CIT: variants seen among roughly 807,000 people sequenced by gnomAD.
CIT encodes citron Rho-interacting kinase.
A neutral mutation model predicts 272.7 loss-of-function variants in CIT; 79 were observed. That is an observed-to-expected ratio of 0.29 (90% CI 0.24 to 0.35). The LOEUF (loss-of-function observed/expected upper bound fraction) is 0.35, where lower values mean the gene tolerates loss of function less well. Ranked by LOEUF, CIT falls within the 10% of genes least tolerant of loss-of-function variation. The probability of loss-of-function intolerance (pLI) is 1.00; values close to 1 mark genes in which losing one functional copy is unlikely to be tolerated. For missense variants in CIT, 1,909 were observed against 2,618.3 expected (o/e 0.73, Z 5.91); for synonymous variants, 948 against 995.6 (o/e 0.95, Z 0.90).
At chr12:119,862,824 A>G (rs1218566541) in intron 3 of CIT, among the ~76,000 whole-genome samples, 3 of 135,388 alleles carry the variant, frequency 2.2e-5, no homozygotes, top group Non-Finnish European at 3.1e-5. Context: ...AAAAAAAAAA[A>G]AAAAAAAAAA....
At chr12:119,720,405 C>T in intron 30 of CIT, 73 bp downstream of exon 30, 1 of 980,580 alleles carries the variant, frequency 1.0e-6, no homozygotes, top group Middle Eastern at 2.1e-4. Flanking sequence ...GATCATATAT[C>T]ACAGTGGTGT....
intron 10 of CIT, among the ~76,000 whole-genome samples, chr12:119,793,991 G>T (rs1156322859): frequency 1.3e-5 from 2 of 152,106 alleles, no homozygotes; most frequent in African/African-American, 4.8e-5. Context: ...GCTCAGTGTG[G>T]GCTTAAAAGC....
At chr12:119,756,523 C>T (rs771666632) in intron 22 of CIT, among the ~76,000 whole-genome samples, 4 of 152,174 alleles carry the variant, frequency 2.6e-5, no homozygotes, top group Non-Finnish European at 5.9e-5. Context: ...CTCCTTGGCC[C>T]GCGGCCCATC....
Position 119,874,635 on chromosome 12 carries a change from G to T in CIT, c.96+1438C>A, listed in dbSNP as rs145067833. Among the ~76,000 whole-genome samples, 164 of 152,108 alleles carry T rather than the reference G, an allele frequency of 1.1e-3. 4 individuals carry two copies. The highest frequency in any genetic ancestry group is 3.5e-3 in the African/African-American group (145 of 41,490). ...AAATGTGTATCTTGAGAGGAATGAGGGTTAAACAGGTGTGGTATTCATCAA... is the reference window on the plus strand; with the variant it reads ...AAATGTGTATCTTGAGAGGAATGAGTGTTAAACAGGTGTGGTATTCATCAA... On this transcript the variant is annotated intron_variant, in intron 2 of 47. Transcript: ENST00000392521.
At position 119,710,832 on chromosome 12, in the gene CIT, A is replaced by G; in HGVS notation, c.4855-212T>C. On this transcript the variant is annotated intron_variant, in intron 37 of 47. Transcript: ENST00000392521. This position sits in a 1 kb window ranked among gnomAD's most constrained non-coding sequence, Gnocchi z 5.6. ...ATTGGTATCTCTGGGGCAGCTGTTA[A>G]TTAGCATCTGAGTTATAATTTGGCT... 2 of 644,812 alleles carry G rather than the reference A, an allele frequency of 3.1e-6. No homozygotes were observed. The highest frequency in any genetic ancestry group is 5.3e-6 in the Non-Finnish European group (2 of 378,438). The allele number at this position is 644,812 out of a possible 1,614,324, so 39.9% of individuals were successfully genotyped here.
chr12:119,815,895 C>T (rs186322744), intron 9 of CIT, among the ~76,000 whole-genome samples: 388 of 152,150 alleles, frequency 2.6e-3, no homozygotes, highest in Middle Eastern at 0.017. Flanking sequence ...GTATAACCTT[C>T]TGTATAATGT....
chr12:119,815,041 A>G (rs1271961473), intron 9 of CIT, among the ~76,000 whole-genome samples: 2 of 150,528 alleles, frequency 1.3e-5, no homozygotes, highest in Non-Finnish European at 3.0e-5. Flanking sequence ...CTGTCTCAAA[A>G]AAAAAAAAAA....
At chr12:119,860,677 C>T (rs1188329993) in intron 3 of CIT, among the ~76,000 whole-genome samples, 1 of 152,150 alleles carries the variant, frequency 6.6e-6, no homozygotes, top group African/African-American at 2.4e-5. Flanking sequence ...CACAAGGAGA[C>T]AGACCACGGT....
Position 119,802,344 on chromosome 12 carries a change from A to C in CIT, c.1295+862T>G, listed in dbSNP as rs138336619. Reference sequence around the variant, plus strand: ...AGATACTGACCTCCCACATCCACAGAAGCTACTGCATTTTACAGAAATTCC... The same window carrying C: ...AGATACTGACCTCCCACATCCACAGCAGCTACTGCATTTTACAGAAATTCC... On this transcript the variant is annotated intron_variant, in intron 10 of 47. Coordinates refer to ENST00000392521, the MANE Select transcript of CIT (RefSeq NM_001206999.2). 2.2e-3 allele frequency among the ~76,000 whole-genome samples: 336 copies of C among 152,182 alleles called. 2 individuals carry two copies. Among genetic ancestry groups the C allele is most frequent in the African/African-American group, 7.7e-3 (318 of 41,514 alleles).
In CIT at chr12:119,718,322, G is replaced by A. The variant is rs1201172231; in HGVS notation, c.4091C>T (p.Ser1364Leu). 10 of 1,613,886 alleles carry A rather than the reference G, an allele frequency of 6.2e-6. No individual in the cohort carries two copies. The highest frequency in any genetic ancestry group is 1.7e-5 in the Admixed American group (1 of 60,002). Residue 1364 changes from serine (S) to leucine (L), a missense_variant, in exon 32 of 48, where the codon TCG becomes TTG. By Grantham distance (145) the Ser-to-Leu change is moderately radical. Transcript: ENST00000392521. The surrounding 1 kb of genome is among the most constrained non-coding windows in gnomAD (Gnocchi z 4.8). ...QQIAMSAIVR[S>L]PEHQPSAMSL... Reference sequence around the variant, plus strand: ...CATGGCACTGGGCTGGTGCTCTGGCGACCGCACGATGGCGGACATGGCGAT... The same window carrying A: ...CATGGCACTGGGCTGGTGCTCTGGCAACCGCACGATGGCGGACATGGCGAT...
chr12:119,874,758 CGCCTGTAGTCCCAGCTACGTG>C (rs904829546), intron 2 of CIT, among the ~76,000 whole-genome samples: 4 of 151,880 alleles, frequency 2.6e-5, no homozygotes, highest in African/African-American at 9.7e-5. Context: ...AGGTGACGGG[CGCCTGTAGTCCCAGCTACGTG>C]GGAGGCTGAG....
chr12:119,825,784 T>C (rs899784975), intron 7 of CIT, among the ~76,000 whole-genome samples: 5 of 152,130 alleles, frequency 3.3e-5, no homozygotes, highest in South Asian at 2.1e-4. Flanking sequence ...AAACTGGCAG[T>C]TGGCCAGGTG....
In CIT at chr12:119,858,751, G is replaced by T. The variant is rs907919230; in HGVS notation, c.239-1053C>A. Among the ~76,000 whole-genome samples, 3 of 151,236 alleles carry T rather than the reference G, an allele frequency of 2.0e-5. No individual in the cohort carries two copies. The South Asian group carries it at 6.3e-4, about 32-fold the overall frequency. On this transcript the variant is annotated intron_variant, in intron 3 of 47. Transcript: ENST00000392521. ...GCAGGAGAATGGCGTGAACCTGGGA[G>T]ACAGAGCTTGCAGTGAGCCGAGATC...
At chr12:119,806,299 T>C (rs545154728) in intron 9 of CIT, among the ~76,000 whole-genome samples, 24 of 152,042 alleles carry the variant, frequency 1.6e-4, no homozygotes, top group Non-Finnish European at 3.5e-4. Context: ...AAGGGCTTCT[T>C]AGGGCCACAT....
chr12:119,802,183 A>G (rs776424296), intron 10 of CIT, among the ~76,000 whole-genome samples: 17 of 152,318 alleles, frequency 1.1e-4, no homozygotes, highest in Admixed American at 3.9e-4. Context: ...GGCAGCAACT[A>G]ACCCAACATT....
At chr12:119,868,149 G>A (rs1217054946) in intron 3 of CIT, among the ~76,000 whole-genome samples, 1 of 152,066 alleles carries the variant, frequency 6.6e-6, no homozygotes, top group Non-Finnish European at 1.5e-5. Context: ...CTTGAGCCTA[G>A]AAGGTTGAAA....
chr12:119,696,276 C>G (rs1313462174), intron 46 of CIT, among the ~76,000 whole-genome samples: 1 of 152,118 alleles, frequency 6.6e-6, no homozygotes, highest in Non-Finnish European at 1.5e-5. Flanking sequence ...TAAGAAGAGG[C>G]CTTTTTTTGG....
intron 19 of CIT, among the ~76,000 whole-genome samples, chr12:119,762,277 C>T (rs1961902390): frequency 6.6e-6 from 1 of 152,042 alleles, no homozygotes; most frequent in Admixed American, 6.6e-5. Flanking sequence ...GAAGAGAAGA[C>T]CAAAAGGTGG....
intron 4 of CIT, among the ~76,000 whole-genome samples, chr12:119,852,082 C>T (rs1042245188): frequency 1.3e-5 from 2 of 152,072 alleles, no homozygotes; most frequent in East Asian, 1.9e-4. Context: ...AGTAACCCTA[C>T]AAGTAGAAAG....
Sources: gnomAD v4.1 joint callset for allele counts (sites outside exome capture counted in the v4.1 genomes callset) on GRCh38, gnomAD v4.1.1 for gene constraint, Gnocchi (gnomAD v3.1) non-coding constraint, MANE v1.5 for transcripts, NCBI Gene and HGNC (gene_info 2026-07-23, HGNC 2026-07-21) for gene names.